The following SPATA17 variants were observed in gnomAD, a reference collection of about 807,000 sequenced individuals.
SPATA17 encodes spermatogenesis associated 17.
Under a neutral mutation model 62.2 loss-of-function variants are expected in SPATA17, and 53 were observed. That is an observed-to-expected ratio of 0.85 (90% CI 0.68 to 1.07). The LOEUF is 1.07. Among genes scored for constraint, SPATA17 ranks in the 50% least tolerant of loss-of-function variants. The pLI is 0.00. For missense variants in SPATA17, 466 were observed against 425.5 expected (o/e 1.10, Z -0.84); for synonymous variants, 146 against 146.8 (o/e 0.99, Z 0.04).
intron 3 of SPATA17, among the ~76,000 whole-genome samples, chr1:217,660,563 T>G (rs1670543091): frequency 6.6e-6 from 1 of 152,218 alleles, no homozygotes; most frequent in Non-Finnish European, 1.5e-5. Context: ...AAAGGATGAT[T>G]CATACTCATC....
intron 9 of SPATA17, among the ~76,000 whole-genome samples, chr1:217,823,630 G>C (rs907636279): frequency 2.6e-5 from 4 of 151,760 alleles, no homozygotes; most frequent in African/African-American, 7.3e-5. Context: ...GTATGCATTT[G>C]GTCTATAGTA....
At chr1:217,713,101 T>G (rs1453347874) in intron 5 of SPATA17, among the ~76,000 whole-genome samples, 1 of 152,174 alleles carries the variant, frequency 6.6e-6, no homozygotes, top group South Asian at 2.1e-4. Flanking sequence ...TGATACAATC[T>G]GCAGAGTTCA....
At chr1:217,659,357 A>G (rs1254147635) in intron 3 of SPATA17, among the ~76,000 whole-genome samples, 1 of 152,154 alleles carries the variant, frequency 6.6e-6, no homozygotes, top group Non-Finnish European at 1.5e-5. Flanking sequence ...ACATATACAG[A>G]AAAAATTAGA....
intron 1 of SPATA17, among the ~76,000 whole-genome samples, chr1:217,637,789 C>T (rs925824951): frequency 6.6e-6 from 1 of 152,026 alleles, no homozygotes; most frequent in African/African-American, 2.4e-5. Flanking sequence ...CAATTCTGAC[C>T]AATAAAACTT....
chr1:217,724,052 A>T (rs554698343), intron 5 of SPATA17, among the ~76,000 whole-genome samples: 18 of 152,248 alleles, frequency 1.2e-4, no homozygotes, highest in Non-Finnish European at 2.4e-4. Flanking sequence ...GGAATTATTT[A>T]TCCACCATGA....
chr1:217,859,080 T>A (rs1263461777), intron 9 of SPATA17, among the ~76,000 whole-genome samples: 1 of 147,976 alleles, frequency 6.8e-6, no homozygotes, highest in African/African-American at 2.4e-5. Context: ...TAAATTTATA[T>A]ATGTAGAAAA....
At chr1:217,846,282 C>T (rs955175381) in intron 9 of SPATA17, among the ~76,000 whole-genome samples, 6 of 151,948 alleles carry the variant, frequency 3.9e-5, no homozygotes, top group Admixed American at 2.0e-4. Context: ...ATATCCTAAC[C>T]TACATTGCTA....
At chr1:217,647,465 GA>G (rs1670209737) in intron 1 of SPATA17, among the ~76,000 whole-genome samples, 1 of 152,198 alleles carries the variant, frequency 6.6e-6, no homozygotes, top group Non-Finnish European at 1.5e-5. Context: ...AGGCCATGGG[GA>G]ATACAGTATA....
At chr1:217,656,542 T>C (rs1011737378) in intron 3 of SPATA17, among the ~76,000 whole-genome samples, 1 of 138,366 alleles carries the variant, frequency 7.2e-6, no homozygotes, top group African/African-American at 2.7e-5. Context: ...GGAATAGGTC[T>C]GATATATGTA....
At chr1:217,823,661 T>G (rs1674922660) in intron 9 of SPATA17, among the ~76,000 whole-genome samples, 2 of 151,960 alleles carry the variant, frequency 1.3e-5, no homozygotes, top group Non-Finnish European at 2.9e-5. Context: ...CTAATATTTC[T>G]TAGTTGATTT....
intron 9 of SPATA17, among the ~76,000 whole-genome samples, chr1:217,851,203 T>C (rs1349555478): frequency 1.3e-5 from 2 of 152,116 alleles, no homozygotes; most frequent in Non-Finnish European, 2.9e-5. Context: ...CTGAGAGAAA[T>C]TAACAAAAAC....
chr1:217,645,588 A>G (rs1307122002), intron 1 of SPATA17, among the ~76,000 whole-genome samples: 1 of 152,196 alleles, frequency 6.6e-6, no homozygotes, highest in East Asian at 1.9e-4. Flanking sequence ...AAAGGTTTAA[A>G]TAACCATAAG....
intron 3 of SPATA17, among the ~76,000 whole-genome samples, chr1:217,658,327 C>G (rs1288626045): frequency 6.6e-6 from 1 of 152,132 alleles, no homozygotes; most frequent in Non-Finnish European, 1.5e-5. Flanking sequence ...TTGAACGGCT[C>G]CCTCTCTTGC....
At chr1:217,824,684 A>T (rs1032041204) in intron 9 of SPATA17, among the ~76,000 whole-genome samples, 2 of 151,036 alleles carry the variant, frequency 1.3e-5, no homozygotes, top group African/African-American at 4.8e-5. Context: ...ATAAATTCAT[A>T]TGTATATATA....
At chr1:217,658,839 C>A (rs1355959521) in intron 3 of SPATA17, among the ~76,000 whole-genome samples, 3 of 151,858 alleles carry the variant, frequency 2.0e-5, no homozygotes, top group Non-Finnish European at 4.4e-5. Flanking sequence ...CAAAATAGAC[C>A]CACATAAAAT....
At chr1:217,849,116 ATTGGTTTT>A (rs1208947248) in intron 9 of SPATA17, among the ~76,000 whole-genome samples, 1 of 152,140 alleles carries the variant, frequency 6.6e-6, no homozygotes, top group Non-Finnish European at 1.5e-5. Flanking sequence ...CTTCATCTAA[ATTGGTTTT>A]TTGTTTGTTT....
In SPATA17 at chr1:217,770,656, G is replaced by A. The variant is rs75373953; in HGVS notation, c.520-3678G>A. Reference sequence around the variant, plus strand: ...AATGGCCATAAAAAACATTTTTCATGGAATAAAATAGTAGGTGCTCCAAAT... The same window carrying A: ...AATGGCCATAAAAAACATTTTTCATAGAATAAAATAGTAGGTGCTCCAAAT... On this transcript the variant is annotated intron_variant, in intron 6 of 10. Coordinates refer to ENST00000366933, the MANE Select transcript of SPATA17 (RefSeq NM_138796.4). Among the ~76,000 whole-genome samples, 106 of 152,106 alleles carry A rather than the reference G, an allele frequency of 7.0e-4. 1 individual carries two copies. The East Asian group carries it at 0.015, about 21-fold the overall frequency.
At chr1:217,746,598 TATACTC>T (rs1403067095) in intron 6 of SPATA17, among the ~76,000 whole-genome samples, 3 of 151,838 alleles carry the variant, frequency 2.0e-5, no homozygotes, top group African/African-American at 4.8e-5. Flanking sequence ...ATTATGCTGA[TATACTC>T]ATATACTCAT....
rs886366420 is a variant in SPATA17, at chr1:217,869,520, G to C, written c.*2501G>C. 2 of 152,138 alleles carry C rather than the reference G, an allele frequency of 1.3e-5. No homozygotes were observed. Among genetic ancestry groups the C allele is most frequent in the Admixed American group, 6.6e-5 (1 of 15,248 alleles). The allele number at this position is 152,138 out of a possible 1,614,324, so 9.4% of individuals were successfully genotyped here. ...ATGTAGATTTTCCCCATAAGAGATA[G>C]CTTCGCAGGGCCATTGCAAAATATG... On this transcript the variant is annotated 3_prime_UTR_variant, in exon 11 of 11. Transcript: ENST00000366933.
Sources: gnomAD v4.1 joint callset for allele counts (sites outside exome capture counted in the v4.1 genomes callset) on GRCh38, gnomAD v4.1.1 for gene constraint, MANE v1.5 for transcripts, NCBI Gene and HGNC (gene_info 2026-07-23, HGNC 2026-07-21) for gene names.